The following ZEB2 variants were observed in gnomAD, a reference collection of about 807,000 sequenced individuals.
ZEB2 encodes the protein zinc finger E-box binding homeobox 2.
In ZEB2, 6 loss-of-function variants were observed where a neutral mutation model predicts 99.9. The observed-to-expected ratio is 0.06, with a 90% confidence interval of 0.03 to 0.12. The LOEUF (loss-of-function observed/expected upper bound fraction) is 0.12, where lower values mean the gene tolerates loss of function less well. Ranked by LOEUF, ZEB2 falls within the 10% of genes least tolerant of loss-of-function variation. The probability of loss-of-function intolerance (pLI) is 1.00; values close to 1 mark genes in which losing one functional copy is unlikely to be tolerated. For missense variants in ZEB2, 969 were observed against 1,502.8 expected (o/e 0.64, Z 5.87); for synonymous variants, 517 against 542.5 (o/e 0.95, Z 0.65).
At position 144,517,417 on chromosome 2, in the gene ZEB2, G is replaced by T; in HGVS notation, c.-67C>A. 1 of 1,580,726 alleles carries T rather than the reference G, an allele frequency of 6.3e-7. No individual in the cohort carries two copies. The highest frequency in any genetic ancestry group is 8.7e-7 in the Non-Finnish European group (1 of 1,151,596). On this transcript the variant is annotated splice_region_variant and 5_prime_UTR_variant, in exon 2 of 10. Coordinates refer to ENST00000627532, the MANE Select transcript of ZEB2 (RefSeq NM_014795.4). The stretch of plus-strand genomic sequence containing the variant: ...CCCTGCTTCGGCAGCACGCAGGCTC[G>T]ATCTAGCAACCAAACACAGCGACAA...
At chr2:144,516,070 G>T (rs1322735495) in intron 2 of ZEB2, 2 of 152,240 alleles carry the variant, frequency 1.3e-5, no homozygotes, top group African/African-American at 4.8e-5. Context: ...TGCCTCGGGA[G>T]CGTCTACGCG....
intron 9 of ZEB2, among the ~76,000 whole-genome samples, chr2:144,395,958 A>C (rs886691621): frequency 3.3e-5 from 5 of 152,178 alleles, no homozygotes; most frequent in African/African-American, 1.2e-4. Context: ...CGAATTTAAA[A>C]AAAAAAGGCA....
chr2:144,469,630 G>A (rs1704327959), intron 2 of ZEB2, among the ~76,000 whole-genome samples: 1 of 152,088 alleles, frequency 6.6e-6, no homozygotes, highest in African/African-American at 2.4e-5. Context: ...TTAGTCCTTT[G>A]GGCTGTTATT....
At chr2:144,423,893 T>C (rs1452166689) in intron 4 of ZEB2, among the ~76,000 whole-genome samples, 5 of 152,060 alleles carry the variant, frequency 3.3e-5, no homozygotes, top group African/African-American at 1.2e-4. Context: ...TTTTCATGGA[T>C]GAGTTGAGTA....
At chr2:144,466,342 A>T (rs1040457331) in intron 2 of ZEB2, among the ~76,000 whole-genome samples, 23 of 152,232 alleles carry the variant, frequency 1.5e-4, no homozygotes, top group African/African-American at 5.5e-4. Flanking sequence ...AAAAGAAGAA[A>T]AAAGCTAATG....
chr2:144,516,020 CGGAGGCCG>C (rs549098215), intron 2 of ZEB2: 128 of 152,324 alleles, frequency 8.4e-4, no homozygotes, highest in African/African-American at 3.0e-3. Flanking sequence ...GCTGGGGCTG[CGGAGGCCG>C]GGAGGCCGGG....
At chr2:144,504,812 G>A (rs538920416) in intron 2 of ZEB2, among the ~76,000 whole-genome samples, 2 of 152,278 alleles carry the variant, frequency 1.3e-5, no homozygotes, top group South Asian at 2.1e-4. Context: ...GGCATTAAAT[G>A]TAGCAGCCTA....
chr2:144,490,477 T>TA (rs930744404), intron 2 of ZEB2, among the ~76,000 whole-genome samples: 1 of 152,354 alleles, frequency 6.6e-6, no homozygotes, highest in Non-Finnish European at 1.5e-5. Flanking sequence ...GAGATCATGA[T>TA]AAAATGTGGT....
rs774153758 is a variant in ZEB2 at position 144,429,849 on chromosome 2, T to G, written c.251A>C (p.Glu84Ala). Reference protein sequence around the residue: ...VSQALLPREEEEDEIREGGVE... With the variant: ...VSQALLPREEAEDEIREGGVE... ...TCCACCCTCCCTTATTTCATCTTCC[T>G]CTTCCTCTCTTGGCAACAGAGCTTG... Residue 84 changes from glutamate to alanine, a missense_variant, in exon 3 of 10, where the codon GAG becomes GCG. Glu to Ala is a moderately radical substitution (Grantham distance 107, BLOSUM62 -1). This residue lies in a region of ZEB2 where 173 missense variants were observed against 217.7 expected (regional missense o/e 0.79). Coordinates refer to ENST00000627532, the MANE Select transcript of ZEB2 (RefSeq NM_014795.4). 1 of 1,613,836 alleles carries G rather than the reference T, an allele frequency of 6.2e-7. No homozygotes were observed. The highest frequency in any genetic ancestry group is 8.5e-7 in the Non-Finnish European group (1 of 1,179,850).
chr2:144,452,841 C>A (rs1049331081), intron 2 of ZEB2, among the ~76,000 whole-genome samples: 1 of 152,136 alleles, frequency 6.6e-6, no homozygotes, highest in African/African-American at 2.4e-5. Context: ...TACGTGGGGA[C>A]AGGGGGGCTG....
intron 2 of ZEB2, chr2:144,462,090 T>C (rs945619032): frequency 2.0e-5 from 3 of 152,152 alleles, no homozygotes; most frequent in Non-Finnish European, 4.4e-5. Flanking sequence ...GGGGACAGGC[T>C]TATTAAAATC....
chr2:144,486,519 A>T (rs1704599999), intron 2 of ZEB2, among the ~76,000 whole-genome samples: 1 of 152,132 alleles, frequency 6.6e-6, no homozygotes, highest in Non-Finnish European at 1.5e-5. Flanking sequence ...TACCTTGATC[A>T]TGGTTTTGAT....
Position 144,399,480 on chromosome 2 carries a change from G to T in ZEB2, c.1707C>A (p.Asp569Glu). The T allele has an allele frequency of 3.1e-6, 5 of 1,614,120 alleles. No homozygotes were observed. Among genetic ancestry groups the T allele is most frequent in the Non-Finnish European group, 4.2e-6 (5 of 1,180,014 alleles). ...ATATGTTGTGGTTCTCAATCATTTT[G>T]TCATCAGTGACCAAATCTATTAAAG... ...LRTLIDLVTD[D>E]KMIENHNIST... The change falls in exon 8 of 10, where the codon GAC becomes GAA. Residue 569 changes from aspartate to glutamate, a missense_variant. Coordinates refer to ENST00000627532, the MANE Select transcript of ZEB2 (RefSeq NM_014795.4). This position sits in a 1 kb window ranked among gnomAD's most constrained non-coding sequence, Gnocchi z 5.6.
chr2:144,433,096 AC>A (rs1281687735), intron 2 of ZEB2, among the ~76,000 whole-genome samples: 9 of 152,158 alleles, frequency 5.9e-5, no homozygotes, highest in Non-Finnish European at 1.2e-4. Flanking sequence ...ACAGACAGTT[AC>A]TTCAAAACCA....
At chr2:144,444,287 G>A (rs1257839796) in intron 2 of ZEB2, among the ~76,000 whole-genome samples, 1 of 152,160 alleles carries the variant, frequency 6.6e-6, no homozygotes, top group Non-Finnish European at 1.5e-5. Flanking sequence ...AGGCCCTTTA[G>A]AATACTATAC....
intron 2 of ZEB2, among the ~76,000 whole-genome samples, chr2:144,464,778 T>A (rs1247159992): frequency 2.0e-5 from 3 of 152,162 alleles, no homozygotes; most frequent in African/African-American, 7.2e-5. Flanking sequence ...TATTGAAAGA[T>A]TAAAACCTCT....
In ZEB2 at chr2:144,443,858, A is replaced by G. The variant is rs142165524; in HGVS notation, c.74-13832T>C. ...CGAAAGCAAGCTTTCTTGAAAATGT[A>G]TTTAAAAAAAAAAAAACAGTTTGTA... On this transcript the variant is annotated intron_variant, in intron 2 of 9. Transcript: ENST00000627532. Among the ~76,000 whole-genome samples, 218 of 150,826 alleles carry G rather than the reference A, an allele frequency of 1.4e-3. 2 individuals are homozygous for G. Among genetic ancestry groups the G allele is most frequent in the African/African-American group, 5.1e-3 (209 of 41,314 alleles).
In ZEB2 at chr2:144,406,291, C is replaced by T. The variant is rs184438702; in HGVS notation, c.404-1267G>A. ...AGTGTGTGATAGGCATCATGTCCTG[C>T]TCTGGTGAGCAGAAAACAGTTCTAG... On this transcript the variant is annotated intron_variant, in intron 4 of 9. Transcript: ENST00000627532. Among the ~76,000 whole-genome samples the T allele has an allele frequency of 4.5e-4, 69 of 152,280 alleles. 1 individual carries two copies. Among genetic ancestry groups the T allele is most frequent in the Non-Finnish European group, 7.2e-4 (49 of 68,032 alleles).
At chr2:144,449,248 T>C (rs1573759710) in intron 2 of ZEB2, among the ~76,000 whole-genome samples, 1 of 152,030 alleles carries the variant, frequency 6.6e-6, no homozygotes, top group African/African-American at 2.4e-5. Flanking sequence ...GGAAGCCGGG[T>C]TGGGAAGTCA....
Sources: allele counts gnomAD v4.1 joint callset (sites outside exome capture counted in the v4.1 genomes callset), GRCh38; gene constraint gnomAD v4.1.1; regional missense constraint gnomAD v4.1.1; non-coding constraint Gnocchi (gnomAD v3.1); transcripts MANE v1.5; gene names NCBI Gene and HGNC (gene_info 2026-07-23, HGNC 2026-07-21).